Variants in ADAMDEC1 observed in about 807,000 individuals in gnomAD.
ADAMDEC1 encodes ADAM DEC1.
A neutral mutation model predicts 60.4 loss-of-function variants in ADAMDEC1; 62 were observed. The observed-to-expected ratio is 1.03, with a 90% CI of 0.84 to 1.27. The LOEUF (loss-of-function observed/expected upper bound fraction) is 1.27, where lower values mean the gene tolerates loss of function less well. Among genes scored for constraint, ADAMDEC1 ranks in the 50% most tolerant of loss-of-function variants. ADAMDEC1 has a pLI of 0.00. For missense variants in ADAMDEC1, 595 were observed against 565.0 expected, an observed-to-expected ratio of 1.05 and a Z score of -0.54; for synonymous variants, 210 against 195.1, an observed-to-expected ratio of 1.08 and a Z score of -0.64.
intron 13 of ADAMDEC1, among the ~76,000 whole-genome samples, chr8:24,404,784 A>G (rs565616392): frequency 6.6e-6 from 1 of 152,350 alleles, no homozygotes; most frequent in East Asian, 1.9e-4. Flanking sequence ...AATTGACTCA[A>G]GCACCATCAA....
chr8:24,392,350 G>C lies in ADAMDEC1; in HGVS notation c.177G>C (p.Lys59Asn), dbSNP rs778926904. Residue 59 changes from lysine to asparagine, a missense_variant, in exon 2 of 14, where the codon AAG (lysine) becomes AAC (asparagine). Transcript: ENST00000256412. The stretch of plus-strand genomic sequence containing the variant: ...ACATTTTACACAAAAGAGAGATCAA[G>C]AACAACCAGACAGAAAAGCATGGCA... ...KLHILHKREIKNNQTEKHGKE... is the reference protein window; with the variant it reads ...KLHILHKREINNNQTEKHGKE... 3 of 1,611,320 alleles carry C rather than the reference G, an allele frequency of 1.9e-6. No individual in the cohort carries two copies. The Admixed American group carries it at 5.0e-5, about 27-fold the overall frequency.
In ADAMDEC1 at chr8:24,402,026, G is replaced by A. The variant is rs1176553415; in HGVS notation, c.1254G>A (p.Met418Ile). 1 of 1,613,134 alleles carries A rather than the reference G, an allele frequency of 6.2e-7. No individual in the cohort carries two copies. The highest frequency in any genetic ancestry group is 8.5e-7 in the Non-Finnish European group (1 of 1,179,430). The change falls in exon 12 of 14, where the codon ATG becomes ATA. Residue 418 changes from methionine to isoleucine, a missense_variant. Coordinates refer to ENST00000256412, the MANE Select transcript of ADAMDEC1 (RefSeq NM_014479.3). ...AAGCACCTATTCCTACAAATATAAT[G>A]ACAACACCAGTGTGTGGGAACCACC... ...LLQAPIPTNI[M>I]TTPVCGNHLL...
chr8:24,398,963 C>T lies in ADAMDEC1; in HGVS notation c.852C>T (p.Ser284=), dbSNP rs1253437677. ...AGATAAAGGTGGTGCCCAGCGCAAG[C>T]ACCACGTTTGACAACTTCCTGAGAT... ...GDKIKVVPSA[S]TTFDNFLRWH... is the part of the protein sequence containing the mutation. Residue 284 remains serine (S), a synonymous_variant, in exon 9 of 14, where the codon AGC becomes AGT. Transcript: ENST00000256412. The T allele has an allele frequency of 1.9e-6, 3 of 1,613,802 alleles. No individual in the cohort carries two copies. Among genetic ancestry groups the T allele is most frequent in the Non-Finnish European group, 2.5e-6 (3 of 1,179,862 alleles).
intron 7 of ADAMDEC1, among the ~76,000 whole-genome samples, chr8:24,398,042 A>C (rs570396022): frequency 6.6e-6 from 1 of 150,542 alleles, no homozygotes; most frequent in East Asian, 1.9e-4. Flanking sequence ...TTTATATCTT[A>C]ATATAAAATT....
intron 5 of ADAMDEC1, among the ~76,000 whole-genome samples, chr8:24,396,490 C>T (rs547290630): frequency 5.9e-5 from 9 of 152,044 alleles, no homozygotes; most frequent in Non-Finnish European, 1.2e-4. Flanking sequence ...CTAGCTTGGG[C>T]GACAGAGCGA....
At chr8:24,404,183 C>T in intron 13 of ADAMDEC1, 95 bp downstream of exon 13, 1 of 1,036,820 alleles carries the variant, frequency 9.6e-7, no homozygotes. Context: ...TACACTAAAA[C>T]ACAATGTATT....
chr8:24,399,071 C>T, intron 9 of ADAMDEC1, 31 bp downstream of exon 9: 1 of 1,593,062 alleles, frequency 6.3e-7, no homozygotes. Context: ...TGAATGTAGG[C>T]AGAATGGATA....
At chr8:24,394,490 T>A (rs1025357272) in intron 4 of ADAMDEC1, among the ~76,000 whole-genome samples, 2 of 152,184 alleles carry the variant, frequency 1.3e-5, no homozygotes, top group Non-Finnish European at 2.9e-5. Flanking sequence ...TGTCACTATT[T>A]ACTATTTTTT....
intron 2 of ADAMDEC1, 46 bp from the exon 3 acceptor site, chr8:24,393,216 T>C: frequency 8.3e-7 from 1 of 1,205,666 alleles, no homozygotes; most frequent in Admixed American, 2.0e-5. Context: ...ATTATTTTAG[T>C]TATGCTCAGA....
chr8:24,385,745 T>C (rs191200815), intron 1 of ADAMDEC1, among the ~76,000 whole-genome samples: 24 of 151,808 alleles, frequency 1.6e-4, no homozygotes, highest in Non-Finnish European at 3.2e-4. Context: ...CAGAGAAGAG[T>C]TTAAAATAGA....
intron 6 of ADAMDEC1, 22 bp downstream of exon 6, chr8:24,397,478 C>T (rs1351063053): frequency 6.2e-7 from 1 of 1,607,282 alleles, no homozygotes; most frequent in East Asian, 2.2e-5. Flanking sequence ...TCCCTTACCT[C>T]ATCATTTACT....
At position 24,397,712 on chromosome 8, in the gene ADAMDEC1, C is replaced by A. The variant is rs1817652155; in HGVS notation, c.657C>A (p.Tyr219Ter). ...AAGACTTTCTTCGGGCACAGAAATA[C>A]ATTGATCTCTATTTGGTGCTGGATA... ...EKEDFLRAQK[Y>*]IDLYLVLDNA... Residue 219 changes from tyrosine (Y) to a stop codon, truncating the protein, a stop_gained, in exon 7 of 14, where the codon TAC (tyrosine) becomes TAA (stop). Coordinates refer to ENST00000256412, the MANE Select transcript of ADAMDEC1 (RefSeq NM_014479.3). LOFTEE classifies it high-confidence loss of function. The A allele has an allele frequency of 2.5e-6, 4 of 1,613,440 alleles. No individual in the cohort carries two copies. The South Asian group carries it at 3.3e-5, about 13-fold the overall frequency.
intron 13 of ADAMDEC1, 31 bp downstream of exon 13, chr8:24,404,119 C>A (rs374912543): frequency 6.3e-7 from 1 of 1,587,048 alleles, no homozygotes; most frequent in Non-Finnish European, 8.6e-7. Flanking sequence ...TGTTCCAAAA[C>A]GTTTTCTCAC....
At position 24,391,888 on chromosome 8, in the gene ADAMDEC1, G is replaced by A. The variant is rs1253187433; in HGVS notation, c.89-374G>A. Among the ~76,000 whole-genome samples, 4 of 152,192 alleles carry A rather than the reference G, an allele frequency of 2.6e-5. No individual in the cohort carries two copies. The East Asian group carries it at 7.7e-4, about 29-fold the overall frequency. ...AGAGAGAAAAATTCACAATTTTTAA[G>A]AAGACTCTAAAGCAATAAGGAAATG... On this transcript the variant is annotated intron_variant, in intron 1 of 13. Transcript: ENST00000256412.
Position 24,400,151 on chromosome 8 carries a change from A to G in ADAMDEC1, c.1012-19A>G. 1.3e-6 allele frequency: 2 copies of G among 1,514,724 alleles called. No individual in the cohort carries two copies. The highest frequency in any genetic ancestry group is 1.8e-6 in the Non-Finnish European group (2 of 1,131,654). The allele number at this position is 1,514,724 out of a possible 1,614,324, so 93.8% of individuals were successfully genotyped here. A position where few individuals can be genotyped will look rare whatever the true frequency, so the allele number is the denominator to read the frequency against. ...AATTAAATAAAAAAAGAATAAATAA[A>G]TATATCTACTTTTTCCAGGCTAAAA... On this transcript the variant is annotated intron_variant, in intron 10 of 13. Transcript: ENST00000256412.
Position 24,392,302 on chromosome 8 carries a change from AAT to A in ADAMDEC1, c.131_132del (p.Ile44SerfsTer4). The A allele has an allele frequency of 6.2e-7, 1 of 1,611,562 alleles. No homozygotes were observed. The highest frequency in any genetic ancestry group is 8.5e-7 in the Non-Finnish European group (1 of 1,178,786). On this transcript the variant is annotated frameshift_variant, in exon 2 of 14. Transcript: ENST00000256412. LOFTEE classifies it high-confidence loss of function. ...KQTPELTLHE[I>X]VCPKKLHILH... ...AAACACCTGAATTAACGCTCCATGA[AAT>A]AGTTTGTCCTAAAAAACTTCACATT...
At chr8:24,385,640 C>A (rs1265509262) in intron 1 of ADAMDEC1, among the ~76,000 whole-genome samples, 1 of 151,970 alleles carries the variant, frequency 6.6e-6, no homozygotes, top group Admixed American at 6.6e-5. Context: ...TAAAACACAC[C>A]ATCCCAATGA....
chr8:24,395,647 A>G (rs1817585850), intron 4 of ADAMDEC1, 73 bp from the exon 5 acceptor site: 2 of 992,610 alleles, frequency 2.0e-6, no homozygotes, highest in Non-Finnish European at 3.1e-6. Context: ...CTCATAGTTT[A>G]TACATTACAC....
intron 4 of ADAMDEC1, 43 bp from the exon 5 acceptor site, chr8:24,395,677 C>T: frequency 1.5e-6 from 2 of 1,356,872 alleles, no homozygotes; most frequent in Non-Finnish European, 1.1e-6. Context: ...CATACACACA[C>T]ACACACACAT....
Sources: allele counts gnomAD v4.1 joint callset (sites outside exome capture counted in the v4.1 genomes callset), GRCh38; gene constraint gnomAD v4.1.1; transcripts MANE v1.5; gene names NCBI Gene and HGNC (gene_info 2026-07-23, HGNC 2026-07-21).